The following DST variants were observed in gnomAD, a reference collection of about 807,000 sequenced individuals.
DST encodes the protein dystonin, also known as bullous pemphigoid antigen.
DST carries 253 observed loss-of-function variants against 875.2 expected under a neutral mutation model. That is an observed-to-expected ratio of 0.29 (90% CI 0.26 to 0.32). DST has a LOEUF of 0.32. Ranked by LOEUF, DST falls within the 10% of genes least tolerant of loss-of-function variation. The probability of loss-of-function intolerance (pLI) is 1.00; values close to 1 mark genes in which losing one functional copy is unlikely to be tolerated. For missense variants in DST, 8,287 were observed against 9,111.6 expected (o/e 0.91, Z 3.68); for synonymous variants, 3,124 against 3,197.1 (o/e 0.98, Z 0.77).
chr6:56,620,687 T>A (rs1281408978), intron 36 of DST: 1 of 1,614,120 alleles, frequency 6.2e-7, no homozygotes. Flanking sequence ...ATATGCCCCA[T>A]GTTCAGAAGT....
chr6:56,619,605 T>A, intron 36 of DST: 1 of 1,613,980 alleles, frequency 6.2e-7, no homozygotes, highest in Non-Finnish European at 8.5e-7. Flanking sequence ...TTTTCATGAT[T>A]AAGAGATTCT....
chr6:56,623,198 T>C (rs1392887220), intron 36 of DST, among the ~76,000 whole-genome samples: 2 of 152,206 alleles, frequency 1.3e-5, no homozygotes, highest in South Asian at 2.1e-4. Flanking sequence ...TTTTTGTTTC[T>C]ATCAATTGTT....
At chr6:56,836,501 AC>A (rs1243695671) in intron 4 of DST, among the ~76,000 whole-genome samples, 2 of 152,148 alleles carry the variant, frequency 1.3e-5, no homozygotes, top group Non-Finnish European at 2.9e-5. Flanking sequence ...AAACCACTTA[AC>A]TTTTTATACA....
rs77251043 is a variant in DST at position 56,768,109 on chromosome 6, A to G, written c.626-32820T>C. Among the ~76,000 whole-genome samples, 2,201 of 152,318 alleles carry G rather than the reference A, an allele frequency of 0.014. 130 individuals carry two copies. The East Asian group carries it at 0.2, about 14-fold the overall frequency. ...AGCCACTGGAGGGAGCTGAGGCAAA[A>G]GAATAACAGATCTGACTTGTGTTTA... On this transcript the variant is annotated intron_variant, in intron 4 of 103. Transcript: ENST00000680361.
At chr6:56,798,864 C>T (rs1363129657) in intron 4 of DST, among the ~76,000 whole-genome samples, 1 of 152,092 alleles carries the variant, frequency 6.6e-6, no homozygotes, top group Non-Finnish European at 1.5e-5. Context: ...TCCAAACCCT[C>T]ATGGATGACT....
chr6:56,844,660 G>T (rs564691987), intron 4 of DST, among the ~76,000 whole-genome samples: 515 of 152,220 alleles, frequency 3.4e-3, no homozygotes, highest in Non-Finnish European at 5.5e-3. Flanking sequence ...GGATCACGAG[G>T]TCAGGAGTTC....
intron 95 of DST, 28 bp from the exon 96 acceptor site, chr6:56,470,310 GT>G: frequency 5.2e-6 from 8 of 1,553,298 alleles, no homozygotes; most frequent in Non-Finnish European, 7.0e-6. Flanking sequence ...ATGGTAAGTA[GT>G]GACTTGTTAG....
chr6:56,599,022 A>T (rs2098418582), intron 45 of DST, among the ~76,000 whole-genome samples: 1 of 152,156 alleles, frequency 6.6e-6, no homozygotes, highest in Non-Finnish European at 1.5e-5. Context: ...ATATTATATG[A>T]GCACATGTAC....
chr6:56,826,820 T>C (rs1316786879), intron 4 of DST, among the ~76,000 whole-genome samples: 3 of 152,182 alleles, frequency 2.0e-5, no homozygotes, highest in Non-Finnish European at 4.4e-5. Flanking sequence ...ACAGGAAAGA[T>C]TCTGAAATAC....
rs757972504 is a variant in DST at position 56,625,197 on chromosome 6, C to T, written c.4790G>A (p.Arg1597His). 12 of 1,613,226 alleles carry T rather than the reference C, an allele frequency of 7.4e-6. No individual in the cohort carries two copies. The highest frequency in any genetic ancestry group is 3.3e-5 in the South Asian group (3 of 91,074). Residue 1597 changes from arginine (R) to histidine (H), a missense_variant, in exon 35 of 104, where the codon CGC (arginine) becomes CAC (histidine). Physicochemically the swap from Arg to His is conservative, Grantham distance 29. This residue lies in a region of DST where 3,138 missense variants were observed against 3,116.6 expected (regional missense o/e 1.01). Transcript: ENST00000680361. ...VDSQQKSPVK[R>H]RRMQSSADLI... ...ATCTGCTGAACTCTGCATTCTTCGG[C>T]GTTTCACTGGAGATTTTTGTTGTGA... is the stretch of plus-strand genomic sequence containing the variant.
At chr6:56,756,819 C>A (rs2967963) in intron 4 of DST, among the ~76,000 whole-genome samples, 37,628 of 152,082 alleles carry the variant, frequency 0.25, 6,349 homozygotes, top group African/African-American at 0.48. Context: ...CCATAAAAGA[C>A]AATATTTTCT....
intron 4 of DST, chr6:56,742,281 C>T (rs1372990529): frequency 7.8e-7 from 1 of 1,289,048 alleles, no homozygotes; most frequent in Non-Finnish European, 1.0e-6. Flanking sequence ...CCATACAGCA[C>T]ATCAGTCCCA....
At chr6:56,622,026 C>T (rs979458618) in intron 36 of DST, among the ~76,000 whole-genome samples, 1 of 152,134 alleles carries the variant, frequency 6.6e-6, no homozygotes, top group African/African-American at 2.4e-5. Flanking sequence ...ACTCTATTTT[C>T]TTTATTTTAG....
At chr6:56,722,704 T>A (rs1467242987) in intron 5 of DST, among the ~76,000 whole-genome samples, 1 of 152,156 alleles carries the variant, frequency 6.6e-6, no homozygotes, top group East Asian at 1.9e-4. Flanking sequence ...ATGTTCTTTT[T>A]AGAAAAACTT....
intron 59 of DST, among the ~76,000 whole-genome samples, chr6:56,556,815 T>G (rs2097428634): frequency 6.6e-6 from 1 of 152,058 alleles, no homozygotes. Context: ...ACACCCTGGG[T>G]TTCAGGGTTC....
intron 4 of DST, among the ~76,000 whole-genome samples, chr6:56,840,703 T>C (rs1255806972): frequency 6.6e-6 from 1 of 152,236 alleles, no homozygotes; most frequent in Non-Finnish European, 1.5e-5. Flanking sequence ...TCCACTTTTC[T>C]TGTTTTTCTA....
chr6:56,624,556 A>C lies in DST; in HGVS notation c.4903T>G (p.Ser1635Ala), dbSNP rs977032262. The C allele has an allele frequency of 6.2e-7, 1 of 1,613,206 alleles. No homozygotes were observed. The highest frequency in any genetic ancestry group is 1.3e-5 in the African/African-American group (1 of 75,030). The change falls in exon 36 of 104, where the codon TCA becomes GCA. Residue 1635 changes from serine (S) to alanine (A), a missense_variant. Physicochemically the swap from Ser to Ala is moderately conservative, Grantham distance 99. This residue lies in a region of DST where 3,138 missense variants were observed against 3,116.6 expected (regional missense o/e 1.01). Coordinates refer to ENST00000680361, the MANE Select transcript of DST (RefSeq NM_001374736.1). ...MTQYIKFAGD[S>A]LKRLEEEEKS... Reference sequence around the variant, plus strand: ...TCCTCCTCTTCCAGCCTCTTCAATGAATCACCAGCAAATTTAATATATTGT... The same window carrying C: ...TCCTCCTCTTCCAGCCTCTTCAATGCATCACCAGCAAATTTAATATATTGT...
intron 15 of DST, among the ~76,000 whole-genome samples, 178 bp downstream of exon 15, chr6:56,645,688 C>T (rs2098938210): frequency 6.6e-6 from 1 of 152,160 alleles, no homozygotes; most frequent in Non-Finnish European, 1.5e-5. Context: ...TACATTACTT[C>T]ACTGATTGCC....
At chr6:56,785,590 C>A (rs2152998216) in intron 4 of DST, among the ~76,000 whole-genome samples, 1 of 152,224 alleles carries the variant, frequency 6.6e-6, no homozygotes, top group African/African-American at 2.4e-5. Flanking sequence ...GTGGGAGTGG[C>A]CCGATTTTCC....
Sources: gnomAD v4.1 joint callset for allele counts (sites outside exome capture counted in the v4.1 genomes callset) on GRCh38, gnomAD v4.1.1 for gene constraint, gnomAD v4.1.1 regional missense constraint, MANE v1.5 for transcripts, NCBI Gene and HGNC (gene_info 2026-07-23, HGNC 2026-07-21) for gene names.